ZNF892: variants seen among roughly 807,000 people sequenced by gnomAD.
ZNF892 encodes the protein zinc finger protein 570-like.
At chr2:95,216,494 A>G in the ZNF892 span, among the ~76,000 whole-genome samples, 2 of 152,288 alleles carry the variant, frequency 1.3e-5, no homozygotes, top group Admixed American at 1.3e-4. Flanking sequence ...AGATTTTTTT[A>G]TAGCTTATAG....
At chr2:95,241,021 A>G in the ZNF892 span, among the ~76,000 whole-genome samples, 1 of 152,114 alleles carries the variant, frequency 6.6e-6, no homozygotes, top group Non-Finnish European at 1.5e-5. Context: ...GGAGCTCCCA[A>G]GGGGAGGGAC....
At chr2:95,245,456 G>GT in the ZNF892 span, among the ~76,000 whole-genome samples, 16 of 104,446 alleles carry the variant, frequency 1.5e-4, 2 homozygotes, top group East Asian at 1.7e-3. Context: ...ACGGCGGGGG[G>GT]GGGGGGGTTT....
At chr2:95,208,039 G>T in the ZNF892 span, among the ~76,000 whole-genome samples, 1 of 152,190 alleles carries the variant, frequency 6.6e-6, no homozygotes, top group African/African-American at 2.4e-5. Flanking sequence ...CCTTGCTCAA[G>T]GGAAAATATC....
the ZNF892 span, among the ~76,000 whole-genome samples, chr2:95,219,499 T>C: frequency 6.6e-6 from 1 of 152,342 alleles, no homozygotes; most frequent in East Asian, 1.9e-4. Context: ...TAATTACTCA[T>C]TGAGGCATTT....
At chr2:95,232,189 G>A in the ZNF892 span, 1 of 152,192 alleles carries the variant, frequency 6.6e-6, no homozygotes, top group Admixed American at 6.5e-5. Context: ...CCACAGAGAC[G>A]TACTTCTGCG....
the ZNF892 span, chr2:95,208,505 G>A: frequency 2.3e-5 from 9 of 396,486 alleles, no homozygotes; most frequent in Middle Eastern, 6.3e-4. Flanking sequence ...TGGTCAAGGT[G>A]TCTTGATTAA....
At chr2:95,249,375 G>A in the ZNF892 span, among the ~76,000 whole-genome samples, 1 of 147,884 alleles carries the variant, frequency 6.8e-6, no homozygotes, top group East Asian at 2.0e-4. Flanking sequence ...CCAGTAGCTG[G>A]GATTACAGGC....
the ZNF892 span, among the ~76,000 whole-genome samples, chr2:95,209,900 G>C: frequency 6.6e-6 from 1 of 152,284 alleles, no homozygotes; most frequent in African/African-American, 2.4e-5. Flanking sequence ...ACTTAAAAGT[G>C]TGGGATTTCT....
chr2:95,262,844 C>A, the ZNF892 span, among the ~76,000 whole-genome samples: 71 of 152,320 alleles, frequency 4.7e-4, no homozygotes, highest in Non-Finnish European at 9.8e-4. Context: ...CAGAAATCCC[C>A]CTTCTGGGAG....
the ZNF892 span, among the ~76,000 whole-genome samples, chr2:95,223,200 C>A: frequency 6.6e-6 from 1 of 152,054 alleles, no homozygotes; most frequent in Non-Finnish European, 1.5e-5. Flanking sequence ...TATTCTTTTT[C>A]TAATTTATAT....
chr2:95,220,815 A>G, the ZNF892 span, among the ~76,000 whole-genome samples: 2 of 152,226 alleles, frequency 1.3e-5, no homozygotes, highest in African/African-American at 4.8e-5. Context: ...ATTTAATTGT[A>G]GGTTATAAAC....
At chr2:95,238,018 G>T in the ZNF892 span, among the ~76,000 whole-genome samples, 1 of 152,226 alleles carries the variant, frequency 6.6e-6, no homozygotes, top group African/African-American at 2.4e-5. Flanking sequence ...AGTGCAAGAT[G>T]AAAGCAGCCA....
the ZNF892 span, among the ~76,000 whole-genome samples, chr2:95,221,184 G>GT: frequency 6.6e-6 from 1 of 152,172 alleles, no homozygotes; most frequent in Non-Finnish European, 1.5e-5. Context: ...AAGCTATCAG[G>GT]TGCTACGTAA....
At chr2:95,215,182 A>G in the ZNF892 span, 2 of 455,788 alleles carry the variant, frequency 4.4e-6, no homozygotes, top group Non-Finnish European at 7.8e-6. Context: ...CAGAGAACTC[A>G]TACTGGGGAG....
the ZNF892 span, among the ~76,000 whole-genome samples, chr2:95,240,946 C>T: frequency 6.6e-6 from 1 of 152,224 alleles, no homozygotes; most frequent in African/African-American, 2.4e-5. Context: ...GTGGGACCTC[C>T]CTGCAGGGGC....
chr2:95,232,068 T>C, the ZNF892 span: 1 of 152,214 alleles, frequency 6.6e-6, no homozygotes, highest in East Asian at 1.9e-4. Context: ...CATGGAAAGC[T>C]GGGTGGAGGA....
At chr2:95,240,574 C>T in the ZNF892 span, among the ~76,000 whole-genome samples, 1 of 152,212 alleles carries the variant, frequency 6.6e-6, no homozygotes, top group East Asian at 1.9e-4. Context: ...TTACATACTC[C>T]AGCCCTGGGA....
the ZNF892 span, chr2:95,214,271 A>G: frequency 3.3e-3 from 1,295 of 397,762 alleles, 7 homozygotes; most frequent in South Asian, 0.015. Context: ...TTAATTTCCT[A>G]CCACAGCAGT....
the ZNF892 span, among the ~76,000 whole-genome samples, chr2:95,225,153 G>C: frequency 6.6e-6 from 1 of 152,136 alleles, no homozygotes; most frequent in South Asian, 2.1e-4. Flanking sequence ...TTATGTTATA[G>C]AATATATTAG....
Sources: gnomAD v4.1 joint callset for allele counts (sites outside exome capture counted in the v4.1 genomes callset) on GRCh38, gnomAD v4.1.1 for gene constraint, MANE v1.5 for transcripts, NCBI Gene and HGNC (gene_info 2026-07-23, HGNC 2026-07-21) for gene names.